PTGER3: variants seen among roughly 807,000 people sequenced by gnomAD.
PTGER3 encodes the protein prostaglandin E2 receptor EP3 subtype.
Under a neutral mutation model 34.7 loss-of-function variants are expected in PTGER3, and 22 were observed. The observed-to-expected ratio is 0.63, with a 90% CI of 0.45 to 0.91. PTGER3 has a LOEUF of 0.91. PTGER3 is among the 40% of genes least tolerant of loss of function. The pLI, the probability that PTGER3 is intolerant of heterozygous loss-of-function variation, is 0.00. For missense variants in PTGER3, 468 were observed against 519.4 expected, an observed-to-expected ratio of 0.90 and a Z score of 0.96; for synonymous variants, 241 against 230.1, an observed-to-expected ratio of 1.05 and a Z score of -0.43.
chr1:70,874,342 G>A (rs1394822528), intron 4 of PTGER3, among the ~76,000 whole-genome samples: 1 of 152,186 alleles, frequency 6.6e-6, no homozygotes, highest in African/African-American at 2.4e-5. Flanking sequence ...CCAGTAGGTT[G>A]CCATGCTGTC....
chr1:71,022,273 A>T (rs1170720124), intron 1 of PTGER3, among the ~76,000 whole-genome samples: 1 of 151,718 alleles, frequency 6.6e-6, no homozygotes, highest in African/African-American at 2.4e-5. Flanking sequence ...AATTCTTAAG[A>T]GGTCAATGTG....
chr1:70,982,914 C>T (rs986167001), intron 2 of PTGER3, among the ~76,000 whole-genome samples: 4 of 152,032 alleles, frequency 2.6e-5, no homozygotes, highest in African/African-American at 9.7e-5. Flanking sequence ...ATCAACACAT[C>T]ACAACATACC....
intron 2 of PTGER3, 116 bp from the exon 3 acceptor site, chr1:70,974,504 T>C (rs1383486114): frequency 3.1e-6 from 2 of 634,974 alleles, no homozygotes; most frequent in Non-Finnish European, 5.8e-6. Flanking sequence ...ATGTTTTAGA[T>C]ATTACCTTCC....
At chr1:70,889,289 C>G (rs1299633315) in intron 4 of PTGER3, among the ~76,000 whole-genome samples, 1 of 151,758 alleles carries the variant, frequency 6.6e-6, no homozygotes, top group Admixed American at 6.6e-5. Flanking sequence ...GTGGCGGGTG[C>G]CTGTAGTCCC....
At chr1:71,016,970 G>C (rs1325198359) in intron 1 of PTGER3, among the ~76,000 whole-genome samples, 1 of 151,872 alleles carries the variant, frequency 6.6e-6, no homozygotes, top group African/African-American at 2.4e-5. Flanking sequence ...TCTGATGCTG[G>C]CTGGCTTATC....
chr1:70,925,133 T>G (rs1647930311), intron 4 of PTGER3, among the ~76,000 whole-genome samples: 1 of 152,120 alleles, frequency 6.6e-6, no homozygotes, highest in Admixed American at 6.6e-5. Context: ...GCCTCCCGAG[T>G]AACTGGGATT....
At chr1:70,951,520 G>A (rs1355880361), downstream of PTGER3, 1 of 152,168 alleles carries the variant, frequency 6.6e-6, no homozygotes, top group African/African-American at 2.4e-5. Context: ...TGCATATGAT[G>A]GGGAAACATG....
intron 2 of PTGER3, among the ~76,000 whole-genome samples, chr1:70,955,055 T>C (rs776046096): frequency 3.9e-5 from 6 of 152,172 alleles, no homozygotes; most frequent in Non-Finnish European, 8.8e-5. Context: ...ATGGCTAACA[T>C]AATTTCTAAC....
At chr1:70,883,861 A>G in intron 4 of PTGER3, 1 of 227,684 alleles carries the variant, frequency 4.4e-6, no homozygotes, top group Non-Finnish European at 8.9e-6. Context: ...TCAGGTGTTC[A>G]AGACCAGCCT....
intron 4 of PTGER3, chr1:70,862,381 G>T (rs767583669): frequency 7.3e-7 from 1 of 1,366,620 alleles, no homozygotes; most frequent in South Asian, 1.1e-5. Flanking sequence ...AGCTTAGCTG[G>T]ACACTGCAGG....
chr1:71,037,943 T>C (rs1180803184), intron 1 of PTGER3, among the ~76,000 whole-genome samples: 1 of 152,210 alleles, frequency 6.6e-6, no homozygotes, highest in Non-Finnish European at 1.5e-5. Context: ...GGCATTCTTC[T>C]ATTTGGGGAA....
chr1:70,961,993 G>A (rs1416338534), intron 2 of PTGER3, among the ~76,000 whole-genome samples: 1 of 152,188 alleles, frequency 6.6e-6, no homozygotes, highest in African/African-American at 2.4e-5. Context: ...TTGGGGATTT[G>A]TAATGATTCT....
chr1:71,040,083 A>G (rs1000413151), intron 1 of PTGER3, among the ~76,000 whole-genome samples: 24 of 147,700 alleles, frequency 1.6e-4, no homozygotes, highest in African/African-American at 6.1e-4. Context: ...GAGGGAGGGA[A>G]GAAAGAAAGA....
At chr1:70,954,453 C>T (rs1399892708) in intron 2 of PTGER3, among the ~76,000 whole-genome samples, 1 of 152,144 alleles carries the variant, frequency 6.6e-6, no homozygotes, top group South Asian at 2.1e-4. Context: ...TGCTGTATGT[C>T]GACATTACTC....
chr1:71,011,065 G>T, intron 2 of PTGER3: 1 of 985,622 alleles, frequency 1.0e-6, no homozygotes, highest in Non-Finnish European at 1.2e-6. Context: ...ATAACTACAG[G>T]ATTACTATGT....
chr1:70,900,401 T>C (rs1646810602), intron 4 of PTGER3, among the ~76,000 whole-genome samples: 2 of 152,144 alleles, frequency 1.3e-5, no homozygotes, highest in South Asian at 4.1e-4. Flanking sequence ...TCAGCCTCTT[T>C]TACATGCAGG....
intron 4 of PTGER3, among the ~76,000 whole-genome samples, chr1:70,872,430 A>T (rs1373590986): frequency 3.3e-5 from 5 of 152,206 alleles, no homozygotes; most frequent in Non-Finnish European, 7.3e-5. Flanking sequence ...TTTCAAACTG[A>T]ATAAAAATAA....
chr1:70,913,780 T>C (rs956397585), intron 4 of PTGER3, among the ~76,000 whole-genome samples: 1 of 151,922 alleles, frequency 6.6e-6, no homozygotes, highest in African/African-American at 2.4e-5. Context: ...ATGAAGTACC[T>C]TGATTTTTGA....
intron 3 of PTGER3, among the ~76,000 whole-genome samples, chr1:70,973,077 T>G (rs1653261232): frequency 6.6e-6 from 1 of 151,972 alleles, no homozygotes. Flanking sequence ...TCATTGGTTT[T>G]CTAGGGAAAT....
Sources: allele counts gnomAD v4.1 joint callset (sites outside exome capture counted in the v4.1 genomes callset), GRCh38; gene constraint gnomAD v4.1.1; transcripts MANE v1.5; gene names NCBI Gene and HGNC (gene_info 2026-07-23, HGNC 2026-07-21).